CSMD1: variants seen among roughly 807,000 people sequenced by gnomAD.
CSMD1 encodes CUB and sushi domain-containing protein 1.
Under a neutral mutation model 417.5 loss-of-function variants are expected in CSMD1, and 213 were observed. The observed-to-expected ratio is 0.51, with a 90% CI of 0.46 to 0.57. The LOEUF (loss-of-function observed/expected upper bound fraction) is 0.57. Ranked by LOEUF, CSMD1 falls within the 20% of genes least tolerant of loss-of-function variation. The pLI, the probability that CSMD1 is intolerant of heterozygous loss-of-function variation, is 0.00. For synonymous variants in CSMD1, 2,862 were observed against 1,736.8 expected (o/e 1.65, Z -16.11); for missense variants, 6,923 against 4,529.7 (o/e 1.53, Z -15.17).
At chr8:2,997,018 T>C (rs1360594347) in intron 54 of CSMD1, among the ~76,000 whole-genome samples, 1 of 152,216 alleles carries the variant, frequency 6.6e-6, no homozygotes, top group East Asian at 1.9e-4. Flanking sequence ...GGTGGTTCCC[T>C]CCTCTGGTCA....
chr8:4,852,138 T>A (rs575832866), intron 1 of CSMD1, among the ~76,000 whole-genome samples: 2 of 152,220 alleles, frequency 1.3e-5, no homozygotes, highest in African/African-American at 2.4e-5. Context: ...GGGAACACCA[T>A]ATATGTTTGT....
intron 6 of CSMD1, among the ~76,000 whole-genome samples, chr8:3,739,172 G>T (rs1796672685): frequency 6.6e-6 from 1 of 152,140 alleles, no homozygotes. Context: ...TAAAGTATCT[G>T]ATGCATGCCG....
chr8:4,236,476 T>C (rs1802070128), intron 3 of CSMD1, among the ~76,000 whole-genome samples: 2 of 152,162 alleles, frequency 1.3e-5, no homozygotes, highest in African/African-American at 4.8e-5. Flanking sequence ...CAACTGGCTG[T>C]ATTCATGGGC....
intron 1 of CSMD1, among the ~76,000 whole-genome samples, chr8:4,639,488 G>C (rs1357948912): frequency 6.6e-6 from 1 of 152,176 alleles, no homozygotes; most frequent in African/African-American, 2.4e-5. Context: ...TCTGAGGTTA[G>C]CTGTTAAGTA....
At chr8:2,940,080 G>C (rs1423539500) in intron 69 of CSMD1, among the ~76,000 whole-genome samples, 1 of 152,144 alleles carries the variant, frequency 6.6e-6, no homozygotes, top group African/African-American at 2.4e-5. Context: ...CAGAAACAGG[G>C]TTTTTCTGGA....
chr8:4,749,670 T>A (rs1585039729), intron 1 of CSMD1, among the ~76,000 whole-genome samples: 5 of 152,348 alleles, frequency 3.3e-5, no homozygotes, highest in African/African-American at 1.2e-4. Context: ...TAATTTTTAA[T>A]TTATAAATTT....
chr8:3,994,858 T>C (rs1221717219), intron 5 of CSMD1, among the ~76,000 whole-genome samples: 2 of 152,300 alleles, frequency 1.3e-5, no homozygotes, highest in Non-Finnish European at 2.9e-5. Flanking sequence ...ATTTTCCAAG[T>C]AGCTTCTTCT....
At chr8:4,590,664 T>C (rs952146104) in intron 2 of CSMD1, among the ~76,000 whole-genome samples, 1 of 152,216 alleles carries the variant, frequency 6.6e-6, no homozygotes, top group Non-Finnish European at 1.5e-5. Context: ...TATAAAGCTA[T>C]ATTCACGATG....
chr8:3,369,314 G>C lies in CSMD1; in HGVS notation c.2839C>G (p.Pro947Ala). The C allele has an allele frequency of 1.9e-6, 3 of 1,608,698 alleles. No homozygotes were observed. Among genetic ancestry groups the C allele is most frequent in the Non-Finnish European group, 2.6e-6 (3 of 1,175,510 alleles). The change falls in exon 19 of 70, where the codon CCA becomes GCA. Residue 947 changes from proline (P) to alanine (A), a missense_variant. By Grantham distance (27) the Pro-to-Ala change is conservative. Transcript: ENST00000635120. The part of the protein sequence containing the change: ...KSGTVLSPGF[P>A]DFYPNSLNCT... ...TTTAGAGAGTTTGGATAAAAATCTGGAAACCCAGGAGAAAGGACTGTTCCA... is the reference window on the plus strand; with the variant it reads ...TTTAGAGAGTTTGGATAAAAATCTGCAAACCCAGGAGAAAGGACTGTTCCA...
chr8:4,213,846 T>A (rs1800471330), intron 3 of CSMD1, among the ~76,000 whole-genome samples: 1 of 152,104 alleles, frequency 6.6e-6, no homozygotes, highest in Non-Finnish European at 1.5e-5. Flanking sequence ...TGAACCCCAG[T>A]GTTTAGGCTG....
chr8:4,269,284 C>T (rs1804421459), intron 3 of CSMD1, among the ~76,000 whole-genome samples: 3 of 152,030 alleles, frequency 2.0e-5, no homozygotes, highest in Admixed American at 2.0e-4. Flanking sequence ...CTTGAACCTC[C>T]AACTCTTGAT....
At chr8:3,244,598 C>G (rs1390614378) in intron 26 of CSMD1, among the ~76,000 whole-genome samples, 1 of 152,188 alleles carries the variant, frequency 6.6e-6, no homozygotes, top group African/African-American at 2.4e-5. Context: ...ATCATAGACA[C>G]ACGTTGAACC....
intron 3 of CSMD1, among the ~76,000 whole-genome samples, chr8:4,090,052 C>T (rs1035538851): frequency 3.9e-5 from 6 of 152,190 alleles, no homozygotes; most frequent in African/African-American, 1.4e-4. Flanking sequence ...TATCATAGGA[C>T]ATGTAAATTT....
intron 1 of CSMD1, among the ~76,000 whole-genome samples, chr8:4,743,709 G>C (rs1014364499): frequency 6.6e-6 from 1 of 152,140 alleles, no homozygotes; most frequent in African/African-American, 2.4e-5. Context: ...ACCACTTCTG[G>C]ATGTATAAAG....
chr8:3,316,377 T>C (rs771304668), intron 23 of CSMD1, among the ~76,000 whole-genome samples: 1 of 151,936 alleles, frequency 6.6e-6, no homozygotes, highest in Non-Finnish European at 1.5e-5. Context: ...GTGGGAAGAG[T>C]AAAATAAAAC....
At chr8:4,451,851 T>C (rs1352174619) in intron 2 of CSMD1, among the ~76,000 whole-genome samples, 1 of 151,912 alleles carries the variant, frequency 6.6e-6, no homozygotes, top group East Asian at 1.9e-4. Flanking sequence ...AATTCACTCA[T>C]TTATGCTTTC....
intron 2 of CSMD1, among the ~76,000 whole-genome samples, chr8:4,485,228 C>G (rs934890829): frequency 6.6e-6 from 1 of 152,032 alleles, no homozygotes; most frequent in African/African-American, 2.4e-5. Context: ...ACTTTTCATC[C>G]CTTGAGAAAA....
At chr8:4,745,436 G>C (rs1243876513) in intron 1 of CSMD1, among the ~76,000 whole-genome samples, 1 of 151,036 alleles carries the variant, frequency 6.6e-6, no homozygotes, top group Non-Finnish European at 1.5e-5. Context: ...ACTATGTATA[G>C]TATTGAAAGA....
chr8:3,583,017 G>C (rs993093734), intron 9 of CSMD1, among the ~76,000 whole-genome samples: 1 of 152,142 alleles, frequency 6.6e-6, no homozygotes, highest in South Asian at 2.1e-4. Context: ...AATCAGTTGG[G>C]AAGTCTTCAA....
Sources: gnomAD v4.1 joint callset for allele counts (sites outside exome capture counted in the v4.1 genomes callset) on GRCh38, gnomAD v4.1.1 for gene constraint, MANE v1.5 for transcripts, NCBI Gene and HGNC (gene_info 2026-07-23, HGNC 2026-07-21) for gene names.